Variants in VWA8 observed in about 807,000 individuals in gnomAD.
VWA8 encodes the protein von Willebrand factor A domain containing 8, also known as von Willebrand factor A domain-containing protein 8.
Under a neutral mutation model 241.5 loss-of-function variants are expected in VWA8, and 221 were observed. The ratio of observed to expected loss-of-function variants is 0.91; its 90% CI spans 0.82 to 1.02. VWA8 has a LOEUF of 1.02. Among genes scored for constraint, VWA8 ranks in the 50% least tolerant of loss-of-function variants. VWA8 has a pLI of 0.00. For missense variants in VWA8, 2,322 were observed against 2,328.7 expected (o/e 1.00, Z 0.06); for synonymous variants, 852 against 827.1 (o/e 1.03, Z -0.52).
chr13:41,587,788 A>G, intron 41 of VWA8, 118 bp from the exon 42 acceptor site: 2 of 1,251,074 alleles, frequency 1.6e-6, no homozygotes, highest in Non-Finnish European at 2.2e-6. Context: ...GACCAGCCAT[A>G]GGCTCAGCCC....
At chr13:41,866,478 C>G (rs1010169225) in intron 10 of VWA8, among the ~76,000 whole-genome samples, 1 of 151,772 alleles carries the variant, frequency 6.6e-6, no homozygotes, top group Non-Finnish European at 1.5e-5. Context: ...ATAACTGCCA[C>G]TTAAAAGCCT....
intron 42 of VWA8, among the ~76,000 whole-genome samples, chr13:41,585,901 A>C (rs1412328118): frequency 6.6e-6 from 1 of 151,426 alleles, no homozygotes; most frequent in East Asian, 1.9e-4. Context: ...AGAAAAAAAA[A>C]ACCTCCATAT....
chr13:41,906,249 T>A (rs1359828996), intron 4 of VWA8, among the ~76,000 whole-genome samples: 1 of 152,148 alleles, frequency 6.6e-6, no homozygotes, highest in Non-Finnish European at 1.5e-5. Context: ...AATTATAACG[T>A]AACAGTGTGC....
intron 4 of VWA8, among the ~76,000 whole-genome samples, chr13:41,892,245 T>C (rs759819493): frequency 1.7e-4 from 26 of 152,208 alleles, no homozygotes; most frequent in South Asian, 4.1e-4. Flanking sequence ...AAAATTACTA[T>C]AGATATGAAA....
chr13:41,780,164 G>A (rs1003659537), intron 19 of VWA8, among the ~76,000 whole-genome samples: 2 of 152,142 alleles, frequency 1.3e-5, no homozygotes, highest in African/African-American at 4.8e-5. Flanking sequence ...TGAGGGTTGA[G>A]GGAGGGCTGT....
intron 2 of VWA8, among the ~76,000 whole-genome samples, chr13:41,946,714 A>G (rs1487930768): frequency 2.6e-5 from 4 of 151,998 alleles, no homozygotes; most frequent in African/African-American, 9.7e-5. Context: ...CAGATTGCAG[A>G]GGCATTTAGG....
At position 41,960,899 on chromosome 13, in the gene VWA8, C is replaced by G. The variant is rs1409853545; in HGVS notation, c.117G>C (p.Gln39His). The change falls in exon 1 of 45, where the codon CAG (glutamine) becomes CAC (histidine). Residue 39 changes from glutamine to histidine, a missense_variant. Coordinates refer to ENST00000379310, the MANE Select transcript of VWA8 (RefSeq NM_015058.2). ...CGTGCAACAGTCTGACCTCCGGCCG[C>G]TGCCTGTCGCCACCCGGCCTGCGCT... ...VVQRRPGGDRQRPEVRLLHAG... is the reference protein window; with the variant it reads ...VVQRRPGGDRHRPEVRLLHAG... 6.6e-7 allele frequency: 1 copy of G among 1,513,596 alleles called. No individual in the cohort carries two copies. Among genetic ancestry groups the G allele is most frequent in the Non-Finnish European group, 8.8e-7 (1 of 1,137,312 alleles). The allele number at this position is 1,513,596 out of a possible 1,614,324, so 93.8% of individuals were successfully genotyped here.
At chr13:41,725,031 T>C (rs1414561381) in intron 24 of VWA8, among the ~76,000 whole-genome samples, 1 of 152,016 alleles carries the variant, frequency 6.6e-6, no homozygotes, top group Non-Finnish European at 1.5e-5. Flanking sequence ...GCTGCACATG[T>C]GTAGGTTCAA....
At chr13:41,639,740 G>A (rs188616840) in intron 37 of VWA8, among the ~76,000 whole-genome samples, 98 of 152,296 alleles carry the variant, frequency 6.4e-4, no homozygotes, top group Middle Eastern at 6.8e-3. Flanking sequence ...CACAAAGAAG[G>A]GAACGATAGA....
intron 36 of VWA8, among the ~76,000 whole-genome samples, chr13:41,674,301 T>A (rs1309684563): frequency 6.6e-6 from 1 of 152,178 alleles, no homozygotes; most frequent in Non-Finnish European, 1.5e-5. Flanking sequence ...TTTGGGTGAC[T>A]GACAGATTCT....
At position 41,689,334 on chromosome 13, in the gene VWA8, T is replaced by A; in HGVS notation, c.4131+20A>T. ...AGGGAAAGAAACATTTATCCGATAA[T>A]TTAAAAAATGGGTGCTTACCATGAG... On this transcript the variant is annotated intron_variant, in intron 34 of 44. Transcript: ENST00000379310. 1 of 1,600,940 alleles carries A rather than the reference T, an allele frequency of 6.2e-7. No individual in the cohort carries two copies. The highest frequency in any genetic ancestry group is 2.2e-5 in the East Asian group (1 of 44,498).
intron 21 of VWA8, among the ~76,000 whole-genome samples, chr13:41,746,519 G>A (rs1022852562): frequency 6.6e-6 from 1 of 152,110 alleles, no homozygotes; most frequent in African/African-American, 2.4e-5. Flanking sequence ...TGAAAGAAAG[G>A]ATATTACTGA....
intron 37 of VWA8, among the ~76,000 whole-genome samples, chr13:41,669,357 A>C (rs897474843): frequency 6.6e-5 from 10 of 152,238 alleles, no homozygotes; most frequent in African/African-American, 2.4e-4. Flanking sequence ...ACAGTTTAAA[A>C]GAAAAATTCC....
chr13:41,928,043 C>G (rs986012262), intron 2 of VWA8, among the ~76,000 whole-genome samples: 3 of 152,172 alleles, frequency 2.0e-5, no homozygotes, highest in Non-Finnish European at 4.4e-5. Context: ...GTAAATTCTT[C>G]AAGGGAACAT....
At chr13:41,886,970 T>C (rs1874573542) in intron 6 of VWA8, 140 bp from the exon 7 acceptor site, 1 of 866,174 alleles carries the variant, frequency 1.2e-6, no homozygotes, top group South Asian at 2.1e-5. Flanking sequence ...ATTGATACAT[T>C]TCATTTTCTA....
intron 25 of VWA8, among the ~76,000 whole-genome samples, chr13:41,720,339 G>C (rs2137847562): frequency 6.6e-6 from 1 of 152,128 alleles, no homozygotes; most frequent in Non-Finnish European, 1.5e-5. Flanking sequence ...TTCTGAGCTG[G>C]CTGAATTGGA....
chr13:41,949,715 T>A (rs1005652950), intron 2 of VWA8, among the ~76,000 whole-genome samples: 1 of 152,126 alleles, frequency 6.6e-6, no homozygotes. Context: ...ATGTTTCTAC[T>A]GAAATATTGA....
chr13:41,810,246 T>C (rs1870406270), intron 17 of VWA8, among the ~76,000 whole-genome samples: 1 of 151,962 alleles, frequency 6.6e-6, no homozygotes, highest in Admixed American at 6.6e-5. Flanking sequence ...GACACACCAA[T>C]CCTAGGTATA....
Position 41,764,912 on chromosome 13 carries a change from C to T in VWA8, c.2350-3708G>A, listed in dbSNP as rs11841843. ...AGAAAATTGCTCTGATGGAATGGTA[C>T]GGTGGAGTCTGGTAGAGAGCAGAAG... On this transcript the variant is annotated intron_variant, in intron 20 of 44. Coordinates refer to ENST00000379310, the MANE Select transcript of VWA8 (RefSeq NM_015058.2). Among the ~76,000 whole-genome samples, 480 of 151,972 alleles carry T rather than the reference C, an allele frequency of 3.2e-3. 1 individual carries two copies. The highest frequency in any genetic ancestry group is 9.9e-3 in the African/African-American group (412 of 41,460).
Sources: allele counts gnomAD v4.1 joint callset (sites outside exome capture counted in the v4.1 genomes callset), GRCh38; gene constraint gnomAD v4.1.1; transcripts MANE v1.5; gene names NCBI Gene and HGNC (gene_info 2026-07-23, HGNC 2026-07-21).